Variants in PGCKA1 observed in about 807,000 individuals in gnomAD.
The protein encoded by PGCKA1 is PDCD10 and GCKIII kinases associated 1, also known as PDCD10 and GCKIII kinases-associated protein 1.
the PGCKA1 span, among the ~76,000 whole-genome samples, chr4:37,503,625 C>T: frequency 6.6e-6 from 1 of 152,152 alleles, no homozygotes; most frequent in African/African-American, 2.4e-5. Flanking sequence ...GTTATTGCCT[C>T]TTTTTGATGA....
At chr4:37,566,358 GCCACCT>G in the PGCKA1 span, among the ~76,000 whole-genome samples, 1 of 151,140 alleles carries the variant, frequency 6.6e-6, no homozygotes, top group South Asian at 2.1e-4. Context: ...TTGGCTCACT[GCCACCT>G]CCACCTCCCG....
At chr4:37,491,663 A>C in the PGCKA1 span, among the ~76,000 whole-genome samples, 1 of 152,086 alleles carries the variant, frequency 6.6e-6, no homozygotes, top group Non-Finnish European at 1.5e-5. Context: ...GTGTGAGTTT[A>C]TTTCCATCTA....
At chr4:37,561,899 A>G in the PGCKA1 span, among the ~76,000 whole-genome samples, 2 of 152,332 alleles carry the variant, frequency 1.3e-5, no homozygotes, top group African/African-American at 2.4e-5. Flanking sequence ...TAACAGCACT[A>G]TGACTCATTT....
the PGCKA1 span, among the ~76,000 whole-genome samples, chr4:37,474,213 A>G: frequency 6.6e-6 from 1 of 152,160 alleles, no homozygotes; most frequent in Non-Finnish European, 1.5e-5. Context: ...TCCTGATAAA[A>G]GGAAGAGTTC....
chr4:37,531,644 G>A, the PGCKA1 span, among the ~76,000 whole-genome samples: 1 of 151,806 alleles, frequency 6.6e-6, no homozygotes, highest in Non-Finnish European at 1.5e-5. Flanking sequence ...TGTAATCCCA[G>A]CACTTTGGGA....
the PGCKA1 span, among the ~76,000 whole-genome samples, chr4:37,468,999 T>G: frequency 3.3e-5 from 5 of 152,230 alleles, no homozygotes; most frequent in African/African-American, 1.2e-4. Context: ...CATATACCTC[T>G]TATACAATGT....
At chr4:37,503,211 G>C in the PGCKA1 span, among the ~76,000 whole-genome samples, 1 of 152,172 alleles carries the variant, frequency 6.6e-6, no homozygotes, top group South Asian at 2.1e-4. Context: ...ATTGCTCCTT[G>C]CCAGTTCAAG....
At chr4:37,577,575 C>G in the PGCKA1 span, among the ~76,000 whole-genome samples, 1 of 151,746 alleles carries the variant, frequency 6.6e-6, no homozygotes, top group Admixed American at 6.6e-5. Context: ...CTGCTGTGAT[C>G]TTTATTATTT....
the PGCKA1 span, among the ~76,000 whole-genome samples, chr4:37,484,247 C>G: frequency 1.3e-5 from 2 of 152,106 alleles, no homozygotes; most frequent in Non-Finnish European, 2.9e-5. Flanking sequence ...TTCCACATGG[C>G]TGTGGTTCCA....
chr4:37,528,126 T>C, the PGCKA1 span, among the ~76,000 whole-genome samples: 1 of 152,218 alleles, frequency 6.6e-6, no homozygotes, highest in African/African-American at 2.4e-5. Context: ...TTTAATTATT[T>C]CGAGCACCAA....
At chr4:37,582,737 C>T in the PGCKA1 span, among the ~76,000 whole-genome samples, 2 of 152,166 alleles carry the variant, frequency 1.3e-5, no homozygotes, top group Non-Finnish European at 2.9e-5. Context: ...CTCATTATGG[C>T]ACTATTACCT....
chr4:37,542,406 A>G, the PGCKA1 span, among the ~76,000 whole-genome samples: 2 of 152,234 alleles, frequency 1.3e-5, no homozygotes, highest in African/African-American at 4.8e-5. Flanking sequence ...ATTCCATTCC[A>G]TGTACAGATA....
At chr4:37,551,192 A>T in the PGCKA1 span, among the ~76,000 whole-genome samples, 1 of 152,162 alleles carries the variant, frequency 6.6e-6, no homozygotes, top group Admixed American at 6.5e-5. Context: ...TGATCAGTGG[A>T]CAGGTAGCTG....
chr4:37,487,932 C>T, the PGCKA1 span, among the ~76,000 whole-genome samples: 3 of 152,224 alleles, frequency 2.0e-5, no homozygotes, highest in Admixed American at 2.0e-4. Flanking sequence ...TGTATGACTA[C>T]ACCACAGTGT....
the PGCKA1 span, among the ~76,000 whole-genome samples, chr4:37,557,098 A>C: frequency 2.0e-5 from 3 of 152,352 alleles, no homozygotes; most frequent in South Asian, 4.1e-4. Flanking sequence ...TGATGTGTCC[A>C]TGTGTAGTAA....
At chr4:37,518,702 T>G in the PGCKA1 span, among the ~76,000 whole-genome samples, 2 of 152,216 alleles carry the variant, frequency 1.3e-5, no homozygotes. Context: ...TTGCAAATAT[T>G]TTCTCCCATT....
the PGCKA1 span, among the ~76,000 whole-genome samples, chr4:37,512,481 G>A: frequency 1.5e-5 from 2 of 137,458 alleles, no homozygotes; most frequent in African/African-American, 6.0e-5. Flanking sequence ...TTGAGACAGA[G>A]TCTCACTCTG....
the PGCKA1 span, among the ~76,000 whole-genome samples, chr4:37,537,563 T>A: frequency 6.6e-6 from 1 of 152,204 alleles, no homozygotes; most frequent in Admixed American, 6.5e-5. Flanking sequence ...GGTTTAAAGA[T>A]ACATGAAGAA....
chr4:37,458,061 C>G, the PGCKA1 span, among the ~76,000 whole-genome samples: 3 of 152,164 alleles, frequency 2.0e-5, no homozygotes, highest in Admixed American at 6.5e-5. Flanking sequence ...TAAAAAGGAC[C>G]CTTGATCCTT....
Sources: gnomAD v4.1 joint callset for allele counts (sites outside exome capture counted in the v4.1 genomes callset) on GRCh38, gnomAD v4.1.1 for gene constraint, MANE v1.5 for transcripts, NCBI Gene and HGNC (gene_info 2026-07-23, HGNC 2026-07-21) for gene names.